PDE4B: variants seen among roughly 807,000 people sequenced by gnomAD.
PDE4B encodes the protein phosphodiesterase 4B.
A neutral mutation model predicts 82.2 loss-of-function variants in PDE4B; 20 were observed. The observed-to-expected ratio is 0.24, with a 90% CI of 0.17 to 0.35. The LOEUF (loss-of-function observed/expected upper bound fraction) is 0.35. PDE4B is among the 10% of genes least tolerant of loss of function. PDE4B has a pLI of 1.00. For missense variants in PDE4B, 655 were observed against 907.2 expected, an observed-to-expected ratio of 0.72 and a Z score of 3.57; for synonymous variants, 320 against 318.9, an observed-to-expected ratio of 1.00 and a Z score of -0.04.
intron 3 of PDE4B, among the ~76,000 whole-genome samples, chr1:66,008,461 C>A (rs1001574050): frequency 2.0e-5 from 3 of 152,094 alleles, no homozygotes; most frequent in Non-Finnish European, 4.4e-5. Context: ...CAGTACTCAC[C>A]CACAAGGGCT....
intron 7 of PDE4B, among the ~76,000 whole-genome samples, chr1:66,278,106 T>C (rs750291377): frequency 2.0e-5 from 3 of 152,222 alleles, no homozygotes; most frequent in Non-Finnish European, 4.4e-5. Flanking sequence ...CACTAGACTG[T>C]ATGCTTAGTT....
intron 3 of PDE4B, among the ~76,000 whole-genome samples, chr1:66,077,316 C>T (rs1424171487): frequency 6.6e-6 from 1 of 152,248 alleles, no homozygotes; most frequent in East Asian, 1.9e-4. Context: ...ATGCTAAATA[C>T]TGTGTTCTGG....
intron 3 of PDE4B, among the ~76,000 whole-genome samples, chr1:66,202,749 G>A (rs36133693): frequency 0.47 from 70,620 of 151,166 alleles, 16,624 homozygotes; most frequent in African/African-American, 0.53. Context: ...GTCTCGGCAC[G>A]TGAGATGGGT....
intron 3 of PDE4B, among the ~76,000 whole-genome samples, chr1:66,089,557 C>T (rs1276197273): frequency 2.0e-5 from 3 of 151,938 alleles, no homozygotes; most frequent in South Asian, 4.2e-4. Context: ...TTGCAATGGC[C>T]CCAAACTCCC....
At chr1:65,819,900 T>A (rs1197922663) in intron 1 of PDE4B, among the ~76,000 whole-genome samples, 1 of 152,136 alleles carries the variant, frequency 6.6e-6, no homozygotes, top group Non-Finnish European at 1.5e-5. Flanking sequence ...ATTCCACCAA[T>A]GTATAGCTCC....
At chr1:66,028,276 G>T (rs1262527234) in intron 3 of PDE4B, among the ~76,000 whole-genome samples, 1 of 152,186 alleles carries the variant, frequency 6.6e-6, no homozygotes, top group African/African-American at 2.4e-5. Flanking sequence ...AGCCTGAGCT[G>T]TTTGTTGGCT....
chr1:65,969,778 A>T (rs1195794126), intron 3 of PDE4B, among the ~76,000 whole-genome samples: 1 of 152,080 alleles, frequency 6.6e-6, no homozygotes, highest in African/African-American at 2.4e-5. Flanking sequence ...AAATGGTATG[A>T]TTAGTTTTGT....
intron 6 of PDE4B, among the ~76,000 whole-genome samples, chr1:66,262,968 A>G (rs1369814773): frequency 3.3e-5 from 5 of 152,242 alleles, no homozygotes; most frequent in Non-Finnish European, 7.3e-5. Flanking sequence ...CTCCTAGTTC[A>G]GTTTCTTCTT....
At chr1:66,277,815 G>C (rs764062202) in intron 7 of PDE4B, among the ~76,000 whole-genome samples, 1 of 152,144 alleles carries the variant, frequency 6.6e-6, no homozygotes, top group Non-Finnish European at 1.5e-5. Flanking sequence ...CCCCTTCCAT[G>C]TACCTCCTGG....
upstream of PDE4B, chr1:65,792,698 T>G (rs983739994): frequency 6.6e-6 from 1 of 151,984 alleles, no homozygotes; most frequent in African/African-American, 2.4e-5. Flanking sequence ...GACGGCGTGC[T>G]TTGCACCCTA....
chr1:66,021,001 T>C (rs141219315), intron 3 of PDE4B, among the ~76,000 whole-genome samples: 5,879 of 152,250 alleles, frequency 0.039, 480 homozygotes, highest in East Asian at 0.36. Context: ...TTTTAATGAT[T>C]GCCATTCTAA....
intron 3 of PDE4B, among the ~76,000 whole-genome samples, chr1:65,985,597 A>ATATTATCTTT (rs1650914144): frequency 6.6e-6 from 1 of 152,118 alleles, no homozygotes; most frequent in Non-Finnish European, 1.5e-5. Context: ...TGACAGGTTA[A>ATATTATCTTT]TATTATCTTT....
chr1:66,103,578 A>G (rs1243487126), intron 3 of PDE4B, among the ~76,000 whole-genome samples: 2 of 152,150 alleles, frequency 1.3e-5, no homozygotes, highest in African/African-American at 4.8e-5. Flanking sequence ...AGTGAACATC[A>G]TGGCAATCCT....
intron 3 of PDE4B, among the ~76,000 whole-genome samples, chr1:65,996,396 C>T (rs1651544843): frequency 6.6e-6 from 1 of 151,738 alleles, no homozygotes; most frequent in Non-Finnish European, 1.5e-5. Context: ...TGCGTAAGAG[C>T]CTGCATGAAT....
chr1:65,998,041 T>A (rs138909534), intron 3 of PDE4B, among the ~76,000 whole-genome samples: 1,534 of 152,260 alleles, frequency 0.01, 22 homozygotes, highest in African/African-American at 0.035. Context: ...GAAATCCTGT[T>A]AACAAATAAT....
At chr1:66,356,617 C>T (rs901340944) in intron 9 of PDE4B, among the ~76,000 whole-genome samples, 3 of 152,236 alleles carry the variant, frequency 2.0e-5, no homozygotes, top group Admixed American at 2.0e-4. Context: ...TGAGCATTTT[C>T]CTTGATGCCT....
chr1:65,815,680 C>A lies in PDE4B; in HGVS notation c.-71+22432C>A, dbSNP rs533899390. ...GGAGTTTCTGTTCAATAAAATTTGT[C>A]CTGAAGCTAAAAAAATTTAAACTGA... On this transcript the variant is annotated intron_variant, in intron 1 of 16. Transcript: ENST00000341517. Among the ~76,000 whole-genome samples, 16 of 152,116 alleles carry A rather than the reference C, an allele frequency of 1.1e-4. No homozygotes were observed. The East Asian group carries it at 3.1e-3, about 29-fold the overall frequency.
chr1:66,368,746 A>C (rs764582659), intron 15 of PDE4B, 41 bp from the exon 16 acceptor site: 1 of 1,457,612 alleles, frequency 6.9e-7, no homozygotes, highest in East Asian at 2.4e-5. Flanking sequence ...GGCAGTATTT[A>C]CACCTAATTT....
intron 3 of PDE4B, among the ~76,000 whole-genome samples, chr1:65,934,095 C>T (rs1647988050): frequency 6.6e-6 from 1 of 151,600 alleles, no homozygotes; most frequent in Non-Finnish European, 1.5e-5. Context: ...ATAGTGGCCA[C>T]AAAGAAATAC....
Sources: gnomAD v4.1 joint callset for allele counts (sites outside exome capture counted in the v4.1 genomes callset) on GRCh38, gnomAD v4.1.1 for gene constraint, MANE v1.5 for transcripts, NCBI Gene and HGNC (gene_info 2026-07-23, HGNC 2026-07-21) for gene names.